Variants in NRG1 observed in about 807,000 individuals in gnomAD.
The protein encoded by NRG1 is neuregulin 1, also known as pro-neuregulin-1, membrane-bound isoform.
Under a neutral mutation model 63.8 loss-of-function variants are expected in NRG1, and 18 were observed. The observed-to-expected ratio is 0.28, with a 90% CI of 0.19 to 0.42. The LOEUF is 0.42. NRG1 is among the 10% of genes least tolerant of loss of function. NRG1 has a pLI of 1.00. For missense variants in NRG1, 762 were observed against 814.7 expected, an observed-to-expected ratio of 0.94 and a Z score of 0.79; for synonymous variants, 302 against 301.3, an observed-to-expected ratio of 1.00 and a Z score of -0.02.
intron 1 of NRG1, among the ~76,000 whole-genome samples, chr8:32,379,633 T>C (rs1245365969): frequency 7.9e-5 from 12 of 152,234 alleles, no homozygotes; most frequent in Non-Finnish European, 1.8e-4. Flanking sequence ...CTTCTGCATG[T>C]GCACTGAGTT....
At chr8:32,416,546 C>T (rs368860795) in intron 1 of NRG1, among the ~76,000 whole-genome samples, 82 of 152,248 alleles carry the variant, frequency 5.4e-4, no homozygotes, top group African/African-American at 1.7e-3. Flanking sequence ...TTACTTGACC[C>T]GAAAACTTGT....
intron 1 of NRG1, among the ~76,000 whole-genome samples, chr8:32,056,925 G>A (rs532445445): frequency 1.3e-5 from 2 of 152,260 alleles, no homozygotes; most frequent in Admixed American, 1.3e-4. Flanking sequence ...TTTGGGAAAT[G>A]CAGGTACTTT....
chr8:32,721,730 G>A, intron 5 of NRG1: 1 of 754,936 alleles, frequency 1.3e-6, no homozygotes. Context: ...GAATGACAAG[G>A]CTTCCGTGGT....
intron 1 of NRG1, among the ~76,000 whole-genome samples, chr8:32,276,856 C>T (rs770021639): frequency 6.6e-6 from 1 of 152,186 alleles, no homozygotes; most frequent in African/African-American, 2.4e-5. Flanking sequence ...GGGTGAGATA[C>T]TTCAGTGCCA....
At position 32,714,083 on chromosome 8, in the gene NRG1, C is replaced by G. The variant is rs1182658931; in HGVS notation, c.503-13866C>G. Among the ~76,000 whole-genome samples the G allele has an allele frequency of 1.3e-4, 20 of 152,152 alleles. No homozygotes were observed. The East Asian group carries it at 3.9e-3, about 29-fold the overall frequency. The stretch of plus-strand genomic sequence containing the variant: ...CAAGTGATCTGCCGACCTCGGCCTC[C>G]CAAAGTGCTGGGATTACAAGTGTGA... On this transcript the variant is annotated intron_variant, in intron 5 of 11. Transcript: ENST00000356819.
chr8:32,569,905 CTTT>C (rs1209336043), intron 1 of NRG1, among the ~76,000 whole-genome samples: 3 of 121,624 alleles, frequency 2.5e-5, no homozygotes, highest in Non-Finnish European at 3.4e-5. Context: ...TGATAGTTAT[CTTT>C]TTTTTTTTTT....
At chr8:31,705,069 G>C (rs1252142177) in intron 1 of NRG1, among the ~76,000 whole-genome samples, 1 of 151,908 alleles carries the variant, frequency 6.6e-6, no homozygotes, top group African/African-American at 2.4e-5. Context: ...CGGAGTCTCT[G>C]TCTGTTGCCA....
chr8:32,686,403 G>A (rs571117473), intron 5 of NRG1, among the ~76,000 whole-genome samples: 28 of 152,270 alleles, frequency 1.8e-4, no homozygotes, highest in African/African-American at 5.5e-4. Flanking sequence ...AGGATAGCTG[G>A]AAATAATATT....
chr8:31,779,149 T>G (rs953526729), intron 1 of NRG1, among the ~76,000 whole-genome samples: 3 of 152,166 alleles, frequency 2.0e-5, no homozygotes, highest in African/African-American at 7.2e-5. Flanking sequence ...TTCTTAAGAA[T>G]CTCTGGACCT....
chr8:32,601,243 C>T (rs968118003), intron 2 of NRG1, among the ~76,000 whole-genome samples: 2 of 152,104 alleles, frequency 1.3e-5, no homozygotes, highest in Admixed American at 1.3e-4. Flanking sequence ...ACCTGGAACA[C>T]TTTCTGTGTG....
intron 1 of NRG1, among the ~76,000 whole-genome samples, chr8:31,716,704 A>G (rs1446853565): frequency 1.3e-5 from 2 of 152,196 alleles, no homozygotes; most frequent in African/African-American, 4.8e-5. Context: ...ATGGAGTTTT[A>G]CTGAAATATT....
chr8:31,848,815 A>T (rs564833481), intron 1 of NRG1, among the ~76,000 whole-genome samples: 15 of 152,334 alleles, frequency 9.8e-5, no homozygotes, highest in African/African-American at 3.6e-4. Flanking sequence ...AAACAAGCTC[A>T]GGGCTCCCAC....
intron 1 of NRG1, among the ~76,000 whole-genome samples, chr8:32,496,009 A>G (rs1245658738): frequency 1.3e-5 from 2 of 152,190 alleles, no homozygotes; most frequent in Non-Finnish European, 2.9e-5. Flanking sequence ...AATGTAATAT[A>G]TTTATAATAA....
intron 1 of NRG1, among the ~76,000 whole-genome samples, chr8:32,265,918 C>T (rs1402480402): frequency 1.3e-5 from 2 of 152,050 alleles, no homozygotes; most frequent in Non-Finnish European, 2.9e-5. Flanking sequence ...TTAGGTATTA[C>T]AAGTAATCTA....
chr8:32,393,205 T>A (rs2129484100), intron 1 of NRG1, among the ~76,000 whole-genome samples: 1 of 152,284 alleles, frequency 6.6e-6, no homozygotes, highest in South Asian at 2.1e-4. Flanking sequence ...ATGGTTTTTT[T>A]CTCCCACAGG....
chr8:31,937,716 G>A (rs2129620607), intron 1 of NRG1, among the ~76,000 whole-genome samples: 1 of 152,298 alleles, frequency 6.6e-6, no homozygotes, highest in South Asian at 2.1e-4. Context: ...CAGGCTGCAT[G>A]GGAGTGGGGT....
At chr8:32,005,594 CA>C (rs1400690588) in intron 1 of NRG1, among the ~76,000 whole-genome samples, 2 of 151,976 alleles carry the variant, frequency 1.3e-5, no homozygotes, top group Non-Finnish European at 2.9e-5. Flanking sequence ...CAATTTTTCA[CA>C]TCAAGAATTT....
At chr8:32,190,696 T>A (rs2132191154) in intron 1 of NRG1, among the ~76,000 whole-genome samples, 1 of 152,288 alleles carries the variant, frequency 6.6e-6, no homozygotes. Flanking sequence ...AGAACTGTGA[T>A]TTTACCGTAT....
At chr8:31,934,127 ACATCTAAAAGCTGAGAAC>A in intron 1 of NRG1, among the ~76,000 whole-genome samples, 1 of 152,304 alleles carries the variant, frequency 6.6e-6, no homozygotes, top group South Asian at 2.1e-4. Flanking sequence ...ATATATAAAT[ACATCTAAAAGCTGAGAAC>A]CACCTTAGTC....
Sources: allele counts gnomAD v4.1 joint callset (sites outside exome capture counted in the v4.1 genomes callset), GRCh38; gene constraint gnomAD v4.1.1; transcripts MANE v1.5; gene names NCBI Gene and HGNC (gene_info 2026-07-23, HGNC 2026-07-21).